VTA1: variants seen among roughly 807,000 people sequenced by gnomAD.
VTA1 encodes vesicle trafficking 1.
VTA1 carries 24 observed loss-of-function variants against 36.9 expected under a neutral mutation model. The ratio of observed to expected loss-of-function variants is 0.65; its 90% confidence interval spans 0.47 to 0.91. The LOEUF (loss-of-function observed/expected upper bound fraction) is 0.91. VTA1 is among the 40% of genes least tolerant of loss of function. The pLI, the probability that VTA1 is intolerant of heterozygous loss-of-function variation, is 0.00. For synonymous variants in VTA1, 142 were observed against 130.2 expected (o/e 1.09, Z -0.62); for missense variants, 393 against 377.2 (o/e 1.04, Z -0.35).
intron 1 of VTA1, among the ~76,000 whole-genome samples, chr6:142,147,882 C>A (rs1778485648): frequency 6.6e-6 from 1 of 152,192 alleles, no homozygotes; most frequent in Non-Finnish European, 1.5e-5. Flanking sequence ...TGGGGAGTAT[C>A]TGCTACTAAA....
chr6:142,181,094 A>AAAATATATATACATATATAT (rs1471429927), intron 4 of VTA1, among the ~76,000 whole-genome samples: 3 of 36,422 alleles, frequency 8.2e-5, no homozygotes, highest in Non-Finnish European at 1.2e-4. Flanking sequence ...AAAAAAAAAA[A>AAAATATATATACATATATAT]ATATATATAT....
intron 5 of VTA1, among the ~76,000 whole-genome samples, chr6:142,194,708 T>C (rs1011354329): frequency 1.3e-5 from 2 of 152,164 alleles, no homozygotes; most frequent in Non-Finnish European, 2.9e-5. Context: ...GAGACAGTTT[T>C]GCTTCTTCCT....
intron 5 of VTA1, 131 bp from the exon 6 acceptor site, chr6:142,198,308 C>G: frequency 1.4e-6 from 1 of 726,770 alleles, no homozygotes; most frequent in South Asian, 4.1e-5. Flanking sequence ...AAGAATAGAG[C>G]TTGCTTCTCC....
chr6:142,181,084 A>AG, intron 4 of VTA1, among the ~76,000 whole-genome samples: 2 of 45,670 alleles, frequency 4.4e-5, no homozygotes, highest in Non-Finnish European at 9.5e-5. Context: ...TACAGAAAAA[A>AG]AAAAAAAAAA....
chr6:142,159,132 G>T (rs955450219), intron 1 of VTA1, among the ~76,000 whole-genome samples: 1 of 152,024 alleles, frequency 6.6e-6, no homozygotes, highest in African/African-American at 2.4e-5. Flanking sequence ...GGCCGAGGTG[G>T]GTAGATCACA....
At chr6:142,199,710 T>C (rs934936572) in intron 6 of VTA1, among the ~76,000 whole-genome samples, 3 of 152,284 alleles carry the variant, frequency 2.0e-5, no homozygotes, top group Non-Finnish European at 4.4e-5. Flanking sequence ...TGCAAAAATA[T>C]TGCTAACGTT....
chr6:142,191,162 C>G (rs980449978), intron 5 of VTA1, among the ~76,000 whole-genome samples: 7 of 152,044 alleles, frequency 4.6e-5, no homozygotes, highest in African/African-American at 1.7e-4. Context: ...TGATGTTATG[C>G]TTACTTCATA....
At chr6:142,176,447 C>T (rs774665953) in intron 4 of VTA1, among the ~76,000 whole-genome samples, 1 of 152,140 alleles carries the variant, frequency 6.6e-6, no homozygotes, top group Non-Finnish European at 1.5e-5. Context: ...CAGTACCTAA[C>T]ATTAGCCTGG....
chr6:142,188,129 C>G (rs931083726), intron 4 of VTA1, among the ~76,000 whole-genome samples: 2 of 149,664 alleles, frequency 1.3e-5, no homozygotes, highest in African/African-American at 4.9e-5. Context: ...GGCTGGTCTC[C>G]AACTCCTGAG....
intron 4 of VTA1, among the ~76,000 whole-genome samples, chr6:142,177,946 A>T (rs1465915789): frequency 6.6e-6 from 1 of 152,166 alleles, no homozygotes; most frequent in Non-Finnish European, 1.5e-5. Flanking sequence ...TATTATTGCT[A>T]CTGTATTTGG....
chr6:142,198,115 A>ATGTGTGTGTGTGTG (rs1259650162), intron 5 of VTA1, among the ~76,000 whole-genome samples: 7 of 76,544 alleles, frequency 9.1e-5, no homozygotes, highest in East Asian at 3.4e-4. Flanking sequence ...ATATATATAT[A>ATGTGTGTGTGTGTG]TATATGTGTG....
intron 6 of VTA1, among the ~76,000 whole-genome samples, chr6:142,201,776 C>G (rs986174787): frequency 2.6e-5 from 4 of 151,938 alleles, no homozygotes; most frequent in African/African-American, 9.7e-5. Flanking sequence ...AACCCTGTTT[C>G]TCATGATTAC....
intron 5 of VTA1, among the ~76,000 whole-genome samples, chr6:142,193,842 A>G (rs553630046): frequency 1.3e-5 from 2 of 152,014 alleles, no homozygotes; most frequent in Non-Finnish European, 2.9e-5. Flanking sequence ...CCTCAGGGGT[A>G]TATCAACTCT....
chr6:142,162,994 AT>A (rs1340704382), intron 1 of VTA1, among the ~76,000 whole-genome samples: 5 of 152,194 alleles, frequency 3.3e-5, no homozygotes, highest in African/African-American at 4.8e-5. Flanking sequence ...AGCACATAAA[AT>A]TGTTGGAGGT....
At chr6:142,148,093 G>C (rs1778491326) in intron 1 of VTA1, among the ~76,000 whole-genome samples, 1 of 152,188 alleles carries the variant, frequency 6.6e-6, no homozygotes, top group South Asian at 2.1e-4. Context: ...AGTAAAGGGA[G>C]TGCCAGTAAT....
intron 5 of VTA1, among the ~76,000 whole-genome samples, chr6:142,192,611 G>T (rs1775475936): frequency 6.6e-6 from 1 of 151,850 alleles, no homozygotes; most frequent in Non-Finnish European, 1.5e-5. Flanking sequence ...TTCATAGTCT[G>T]TCCCTCTTTC....
intron 4 of VTA1, among the ~76,000 whole-genome samples, chr6:142,181,455 T>TATATATATATA: frequency 7.0e-6 from 1 of 143,660 alleles, no homozygotes; most frequent in South Asian, 2.2e-4. Flanking sequence ...TTTTTATATT[T>TATATATATATA]TATATATATA....
At chr6:142,217,472 C>A (rs1776022610) in intron 7 of VTA1, among the ~76,000 whole-genome samples, 1 of 151,754 alleles carries the variant, frequency 6.6e-6, no homozygotes, top group Non-Finnish European at 1.5e-5. Flanking sequence ...AATATTGTAT[C>A]CACTTGCCTG....
rs114207198 is a variant in VTA1, at chr6:142,221,200, A to C, written c.*2557A>C. The C allele has an allele frequency of 1.4e-3, 206 of 152,338 alleles. 1 individual carries two copies. The highest frequency in any genetic ancestry group is 4.9e-3 in the African/African-American group (203 of 41,576). 9.4% of individuals were successfully genotyped at this position (152,338 alleles called of 1,614,324 possible). ...CAGCATCACCTGCGAACTTGCTAGA[A>C]AGTTCTGGGGACCACACTATGGGAA... On this transcript the variant is annotated 3_prime_UTR_variant, in exon 8 of 8. Transcript: ENST00000367630.
Sources: gnomAD v4.1 joint callset for allele counts (sites outside exome capture counted in the v4.1 genomes callset) on GRCh38, gnomAD v4.1.1 for gene constraint, MANE v1.5 for transcripts, NCBI Gene and HGNC (gene_info 2026-07-23, HGNC 2026-07-21) for gene names.